GRAMD1B: variants seen among roughly 807,000 people sequenced by gnomAD.
GRAMD1B encodes the protein protein Aster-B.
GRAMD1B carries 37 observed loss-of-function variants against 99.7 expected under a neutral mutation model. The observed-to-expected ratio is 0.37, with a 90% CI of 0.29 to 0.49. The LOEUF (loss-of-function observed/expected upper bound fraction) is 0.49, where lower values mean the gene tolerates loss of function less well. Among genes scored for constraint, GRAMD1B ranks in the 20% least tolerant of loss-of-function variants. The pLI is 0.98. For missense variants in GRAMD1B, 888 were observed against 1,009.2 expected, an observed-to-expected ratio of 0.88 and a Z score of 1.63; for synonymous variants, 427 against 387.6, an observed-to-expected ratio of 1.10 and a Z score of -1.19.
At chr11:123,598,417 G>T in intron 7 of GRAMD1B, 1 of 952,214 alleles carries the variant, frequency 1.1e-6, no homozygotes, top group Non-Finnish European at 1.7e-6. Flanking sequence ...TGCTCGCGTT[G>T]TACATTTTCA....
In GRAMD1B at chr11:123,405,404, C is replaced by T. The variant is rs184145884; in HGVS notation, c.-176+46605C>T. The stretch of plus-strand genomic sequence containing the variant: ...GGCTCCCAGGGTAAGGGGAGAGTGA[C>T]GGCAGTGGAGAGGGGCCAGCGGGAG... On this transcript the variant is annotated intron_variant, in intron 1 of 20. Coordinates refer to the GRAMD1B transcript ENST00000638157. 2.6e-4 allele frequency among the ~76,000 whole-genome samples: 40 copies of T among 152,226 alleles called. 1 individual carries two copies. The East Asian group carries it at 6.4e-3, about 24-fold the overall frequency.
chr11:123,475,485 T>C (rs1951219318), intron 1 of GRAMD1B, among the ~76,000 whole-genome samples: 1 of 152,218 alleles, frequency 6.6e-6, no homozygotes, highest in African/African-American at 2.4e-5. Context: ...ATTTAATTTA[T>C]ACAGTGAATT....
intron 1 of GRAMD1B, among the ~76,000 whole-genome samples, chr11:123,388,215 C>G (rs1947143787): frequency 1.3e-5 from 2 of 151,168 alleles, no homozygotes; most frequent in African/African-American, 4.9e-5. Context: ...CTGGCAAACA[C>G]TACCTTAGTG....
chr11:123,606,672 G>A lies in GRAMD1B; in HGVS notation c.1387G>A (p.Ala463Thr), dbSNP rs375511617. The A allele has an allele frequency of 3.8e-5, 61 of 1,613,286 alleles. 1 individual carries two copies. Among genetic ancestry groups the A allele is most frequent in the South Asian group, 1.4e-4 (13 of 90,774 alleles). ...AGACGGGTCCCTGGAAAAGGAGCTC[G>A]CCATTGACAACATCATGGGGGAGAA... The part of the protein sequence containing the change: ...EGDGSLEKEL[A>T]IDNIMGEKIE... Residue 463 changes from alanine (A) to threonine (T), a missense_variant, in exon 11 of 20, where the codon GCC becomes ACC. This residue lies in a region of GRAMD1B where 269 missense variants were observed against 296.6 expected (regional missense o/e 0.91). Coordinates refer to ENST00000635736, the MANE Select transcript of GRAMD1B (RefSeq NM_001387025.1).
At chr11:123,544,861 G>A (rs1369195954) in intron 2 of GRAMD1B, among the ~76,000 whole-genome samples, 3 of 152,240 alleles carry the variant, frequency 2.0e-5, no homozygotes, top group Admixed American at 6.5e-5. Context: ...AAGGGACAGC[G>A]AGCTCTTTTC....
At chr11:123,559,820 G>A (rs1946516480) in intron 2 of GRAMD1B, 1 of 337,420 alleles carries the variant, frequency 3.0e-6, no homozygotes, top group African/African-American at 2.2e-5. Context: ...TGCGGATTAT[G>A]GTCTCAGTGC....
chr11:123,490,433 C>T (rs1211769405), intron 2 of GRAMD1B, among the ~76,000 whole-genome samples: 4 of 152,266 alleles, frequency 2.6e-5, no homozygotes, highest in Non-Finnish European at 5.9e-5. Flanking sequence ...CACTGAAGAT[C>T]TTTGAGACGG....
intron 2 of GRAMD1B, among the ~76,000 whole-genome samples, chr11:123,575,529 A>G (rs193019280): frequency 1.3e-5 from 2 of 152,258 alleles, no homozygotes; most frequent in East Asian, 3.9e-4. Flanking sequence ...ACTAGAGGGT[A>G]GAGGTCCTCG....
At position 123,491,850 on chromosome 11, in the gene GRAMD1B, A is replaced by G. The variant is rs554600838; in HGVS notation, c.452+10957A>G. 3.5e-3 allele frequency: 1,404 copies of G among 399,200 alleles called. 8 individuals are homozygous for G. Among genetic ancestry groups the G allele is most frequent in the Non-Finnish European group, 5.1e-3 (1,153 of 226,166 alleles). The allele number at this position is 399,200 out of a possible 1,614,324, so 24.7% of individuals were successfully genotyped here. A position where few individuals can be genotyped will look rare whatever the true frequency, so the allele number is the denominator to read the frequency against. ...TGGCCAGCCCTCCCCTGAGCCCAGC[A>G]TGGTGCAGAATCTACAGCCAGAGAC... On this transcript the variant is annotated intron_variant, in intron 2 of 19. Coordinates refer to ENST00000635736, the MANE Select transcript of GRAMD1B (RefSeq NM_001387025.1).
At chr11:123,595,241 T>C (rs1373768148) in intron 6 of GRAMD1B, among the ~76,000 whole-genome samples, 1 of 152,114 alleles carries the variant, frequency 6.6e-6, no homozygotes, top group Non-Finnish European at 1.5e-5. Context: ...TTTGCCTCTA[T>C]TTCCTCATCT....
intron 2 of GRAMD1B, among the ~76,000 whole-genome samples, chr11:123,541,862 A>G (rs186972087): frequency 6.6e-6 from 1 of 152,188 alleles, no homozygotes; most frequent in South Asian, 2.1e-4. Flanking sequence ...TTAAAAATTA[A>G]TACATTAGTA....
intron 2 of GRAMD1B, among the ~76,000 whole-genome samples, chr11:123,501,237 C>G (rs574656446): frequency 6.6e-6 from 1 of 152,140 alleles, no homozygotes; most frequent in South Asian, 2.1e-4. Context: ...GTGGCACGAT[C>G]TCGGCTCACT....
Position 123,627,301 on chromosome 11 carries a change from TA to T in GRAMD1B, c.*4707del, listed in dbSNP as rs1565489646. 6.6e-6 allele frequency: 1 copy of T among 152,326 alleles called. No individual in the cohort carries two copies. The highest frequency in any genetic ancestry group is 2.4e-5 in the African/African-American group (1 of 41,466). The allele number at this position is 152,326 out of a possible 1,614,324, so 9.4% of individuals were successfully genotyped here. A position where few individuals can be genotyped will look rare whatever the true frequency, so the allele number is the denominator to read the frequency against. On this transcript the variant is annotated 3_prime_UTR_variant, in exon 20 of 20. Coordinates refer to ENST00000635736, the MANE Select transcript of GRAMD1B (RefSeq NM_001387025.1). ...TTGGGTGCCACGTGCTGAGATTGCATAGTCAAAACAGCCATTTTTGCCAACA... is the reference window on the plus strand; with the variant it reads ...TTGGGTGCCACGTGCTGAGATTGCATGTCAAAACAGCCATTTTTGCCAACA...
rs753757178 is a variant in GRAMD1B, at chr11:123,600,132, G to C, written c.970-336G>C. On this transcript the variant is annotated intron_variant, in intron 7 of 19. Coordinates refer to ENST00000635736, the MANE Select transcript of GRAMD1B (RefSeq NM_001387025.1). Reference sequence around the variant, plus strand: ...GGGTTTGTCTTGTCCTTCCATTTAGGCTAGTTCATAGCTCACCCCTTACCC... The same window carrying C: ...GGGTTTGTCTTGTCCTTCCATTTAGCCTAGTTCATAGCTCACCCCTTACCC... 2.7e-4 allele frequency among the ~76,000 whole-genome samples: 41 copies of C among 152,186 alleles called. 1 individual carries two copies. Among genetic ancestry groups the C allele is most frequent in the Non-Finnish European group, 2.5e-4 (17 of 68,038 alleles).
At chr11:123,556,396 A>G (rs939005928) in intron 2 of GRAMD1B, among the ~76,000 whole-genome samples, 6 of 152,222 alleles carry the variant, frequency 3.9e-5, no homozygotes, top group African/African-American at 1.4e-4. Context: ...AAAGATTATC[A>G]AACACAGGAA....
chr11:123,565,060 A>G (rs370369050), intron 2 of GRAMD1B, among the ~76,000 whole-genome samples: 1 of 152,142 alleles, frequency 6.6e-6, no homozygotes, highest in African/African-American at 2.4e-5. Context: ...TTGAGAAAGG[A>G]TCTCACTCTG....
chr11:123,569,165 A>AAGG (rs1460539485), intron 2 of GRAMD1B, among the ~76,000 whole-genome samples: 7 of 152,174 alleles, frequency 4.6e-5, no homozygotes, highest in African/African-American at 1.7e-4. Flanking sequence ...TTGGACCTGA[A>AAGG]AGGCCCTTTC....
chr11:123,540,838 A>G (rs1374970381), intron 2 of GRAMD1B, among the ~76,000 whole-genome samples: 1 of 152,172 alleles, frequency 6.6e-6, no homozygotes. Context: ...GTTGGTTTTC[A>G]TAGTTAATTT....
In GRAMD1B at chr11:123,608,530, G is replaced by A. The variant is rs185981672; in HGVS notation, c.1514-129G>A. ...CCCACGAGCTCAGCTGTCCTGCTCC[G>A]TGTCCTCTCCATACCCTTGTTGACT... On this transcript the variant is annotated intron_variant, in intron 11 of 19. Transcript: ENST00000635736. 169 of 1,542,922 alleles carry A rather than the reference G, an allele frequency of 1.1e-4. No homozygotes were observed. In the African/African-American group the frequency reaches 1.8e-3, roughly 16 times the overall value.
Sources: gnomAD v4.1 joint callset for allele counts (sites outside exome capture counted in the v4.1 genomes callset) on GRCh38, gnomAD v4.1.1 for gene constraint, gnomAD v4.1.1 regional missense constraint, MANE v1.5 for transcripts, NCBI Gene and HGNC (gene_info 2026-07-23, HGNC 2026-07-21) for gene names.